SLIT2: variants seen among roughly 807,000 people sequenced by gnomAD.
The protein encoded by SLIT2 is slit guidance ligand 2.
Under a neutral mutation model 185.7 loss-of-function variants are expected in SLIT2, and 41 were observed. That is an observed-to-expected ratio of 0.22 (90% CI 0.17 to 0.29). The LOEUF (loss-of-function observed/expected upper bound fraction) is 0.29, where lower values mean the gene tolerates loss of function less well. Ranked by LOEUF, SLIT2 falls within the 10% of genes least tolerant of loss-of-function variation. SLIT2 has a pLI of 1.00. For synonymous variants in SLIT2, 693 were observed against 680.2 expected (o/e 1.02, Z -0.29); for missense variants, 1,571 against 1,909.0 (o/e 0.82, Z 3.30).
At chr4:20,554,354 G>A (rs1724049161) in intron 26 of SLIT2, 1 of 460,160 alleles carries the variant, frequency 2.2e-6, no homozygotes, top group Non-Finnish European at 4.4e-6. Flanking sequence ...AGGAGAAACA[G>A]GCCCTCCCCA....
chr4:20,591,098 C>T (rs1471625514), intron 30 of SLIT2, among the ~76,000 whole-genome samples: 1 of 152,114 alleles, frequency 6.6e-6, no homozygotes, highest in Non-Finnish European at 1.5e-5. Flanking sequence ...CCTGCCATGG[C>T]CACAGCACAT....
chr4:20,607,718 G>T (rs1728897531), intron 33 of SLIT2, among the ~76,000 whole-genome samples: 1 of 152,060 alleles, frequency 6.6e-6, no homozygotes, highest in South Asian at 2.1e-4. Context: ...AATTGACTAA[G>T]ACCAATATGT....
In SLIT2 at chr4:20,524,066, G is replaced by A. The variant is rs777369068; in HGVS notation, c.1327G>A (p.Asp443Asn). Residue 443 changes from aspartate (D) to asparagine (N), a missense_variant, in exon 14 of 37, where the codon GAT becomes AAT. This residue lies in a region of SLIT2 where 1,202 missense variants were observed against 1,416.4 expected (regional missense o/e 0.85). Transcript: ENST00000504154. The stretch of plus-strand genomic sequence containing the variant: ...TGACTGCCATCTCAAGTGGCTAGCG[G>A]ATTATCTCCATACCAACCCGATTGA... ...ICDCHLKWLA[D>N]YLHTNPIETS... 3.1e-6 allele frequency: 5 copies of A among 1,614,074 alleles called. 1 individual carries two copies. In the South Asian group the frequency reaches 3.3e-5, roughly 11 times the overall value.
At chr4:20,359,839 T>C (rs1722600364) in intron 4 of SLIT2, among the ~76,000 whole-genome samples, 1 of 152,000 alleles carries the variant, frequency 6.6e-6, no homozygotes, top group Non-Finnish European at 1.5e-5. Flanking sequence ...ACCTACAAAG[T>C]CTTGAAGCAG....
chr4:20,377,634 C>T (rs1279844052), intron 4 of SLIT2, among the ~76,000 whole-genome samples: 2 of 152,130 alleles, frequency 1.3e-5, no homozygotes, highest in African/African-American at 4.8e-5. Flanking sequence ...CACAGAGAAA[C>T]TTTGTAACAA....
At position 20,528,788 on chromosome 4, in the gene SLIT2, G is replaced by A. The variant is rs1404034287; in HGVS notation, c.1463-161G>A. On this transcript the variant is annotated intron_variant, in intron 15 of 36. Coordinates refer to ENST00000504154, the MANE Select transcript of SLIT2 (RefSeq NM_004787.4). This position sits in a 1 kb window ranked among gnomAD's most constrained non-coding sequence, Gnocchi z 4.2. ...CACTCTTTTTTCCAGAAAATTCCAA[G>A]CCTTTCTTTTAACCTTTCTCCTGAC... Among the ~76,000 whole-genome samples, 1 of 152,074 alleles carries A rather than the reference G, an allele frequency of 6.6e-6. No homozygotes were observed. The highest frequency in any genetic ancestry group is 2.4e-5 in the African/African-American group (1 of 41,392).
chr4:20,580,884 A>C (rs1726505706), intron 29 of SLIT2, among the ~76,000 whole-genome samples: 1 of 152,188 alleles, frequency 6.6e-6, no homozygotes, highest in South Asian at 2.1e-4. Flanking sequence ...TATAGTCCTA[A>C]AAGAAAACTT....
rs759686777 is a variant in SLIT2 at position 20,254,028 on chromosome 4, AT to A, written c.179+35del. On this transcript the variant is annotated intron_variant, in intron 1 of 36. Coordinates refer to ENST00000504154, the MANE Select transcript of SLIT2 (RefSeq NM_004787.4). The surrounding 1 kb of genome is among the most constrained non-coding windows in gnomAD (Gnocchi z 5.1). The stretch of plus-strand genomic sequence containing the variant: ...GCGCTCTTCGTCTTCCCCTCTCCCC[AT>A]CCGGGCCGCGCACCCCTGCCTCCAC... 1 of 1,577,630 alleles carries A rather than the reference AT, an allele frequency of 6.3e-7. No homozygotes were observed. Among genetic ancestry groups the A allele is most frequent in the East Asian group, 2.3e-5 (1 of 44,368 alleles).
chr4:20,346,046 T>C (rs189868553), intron 4 of SLIT2, among the ~76,000 whole-genome samples: 21 of 152,184 alleles, frequency 1.4e-4, no homozygotes, highest in African/African-American at 4.6e-4. Flanking sequence ...CAGGCTAGAG[T>C]GCAGCGGTAT....
intron 4 of SLIT2, among the ~76,000 whole-genome samples, chr4:20,340,952 G>T (rs1033559134): frequency 1.3e-5 from 2 of 152,142 alleles, no homozygotes; most frequent in Admixed American, 6.5e-5. Context: ...GAAGAAAAAA[G>T]AAAGACGGAA....
chr4:20,594,633 C>T lies in SLIT2; in HGVS notation c.3183-1064C>T, dbSNP rs116994464. On this transcript the variant is annotated intron_variant, in intron 30 of 36. Coordinates refer to ENST00000504154, the MANE Select transcript of SLIT2 (RefSeq NM_004787.4). ...AAAACTGCTGCACGTGCCACACTGC[C>T]TTTCTTCATGCAGCTATAAAATCCT... 5.3e-5 allele frequency among the ~76,000 whole-genome samples: 8 copies of T among 152,132 alleles called. No individual in the cohort carries two copies. In the East Asian group the frequency reaches 9.7e-4, roughly 18 times the overall value.
At chr4:20,543,765 G>T (rs757703856) in intron 21 of SLIT2, among the ~76,000 whole-genome samples, 6 of 152,124 alleles carry the variant, frequency 3.9e-5, no homozygotes, top group Non-Finnish European at 7.4e-5. Context: ...TAGCACATGT[G>T]CTTAGAACAC....
intron 34 of SLIT2, 29 bp from the exon 35 acceptor site, chr4:20,616,881 C>T (rs1285245140): frequency 6.4e-7 from 1 of 1,557,342 alleles, no homozygotes; most frequent in Non-Finnish European, 8.7e-7. Context: ...CCCAGAGAGC[C>T]TGACCTCTGA....
At chr4:20,280,115 C>T (rs1249411590) in intron 4 of SLIT2, among the ~76,000 whole-genome samples, 5 of 151,940 alleles carry the variant, frequency 3.3e-5, no homozygotes, top group African/African-American at 9.7e-5. Flanking sequence ...GGGCGGATCA[C>T]GAGGTCAGGA....
Position 20,330,112 on chromosome 4 carries a change from C to A in SLIT2, c.395+61231C>A, listed in dbSNP as rs568335438. ...TTACATACTTTCTCATTTTACACTT[C>A]CCTTACCACAAATTTGGCAGTGTTG... On this transcript the variant is annotated intron_variant, in intron 4 of 36. Transcript: ENST00000504154. 7.4e-4 allele frequency among the ~76,000 whole-genome samples: 112 copies of A among 152,124 alleles called. 1 individual carries two copies. Among genetic ancestry groups the A allele is most frequent in the Middle Eastern group, 6.8e-3 (2 of 294 alleles).
chr4:20,607,118 GC>G (rs1419306365), intron 33 of SLIT2, among the ~76,000 whole-genome samples: 3 of 152,056 alleles, frequency 2.0e-5, no homozygotes, highest in African/African-American at 7.2e-5. Flanking sequence ...TTAGTACCTG[GC>G]CCTTAGTATG....
chr4:20,552,163 G>T (rs1235169275), intron 25 of SLIT2, among the ~76,000 whole-genome samples: 1 of 152,184 alleles, frequency 6.6e-6, no homozygotes, highest in Non-Finnish European at 1.5e-5. Flanking sequence ...ATGCAGGGCT[G>T]TGGTGCCCTC....
At chr4:20,459,944 A>G (rs1485554189) in intron 4 of SLIT2, among the ~76,000 whole-genome samples, 1 of 150,890 alleles carries the variant, frequency 6.6e-6, no homozygotes, top group Non-Finnish European at 1.5e-5. Flanking sequence ...GCTCACTGCA[A>G]CCTCTGCCTC....
chr4:20,306,631 C>CT (rs1222918541), intron 4 of SLIT2, among the ~76,000 whole-genome samples: 2 of 151,992 alleles, frequency 1.3e-5, no homozygotes, highest in African/African-American at 4.8e-5. Flanking sequence ...TTTTCGTGTG[C>CT]TTTTTTTGTT....
Sources: allele counts gnomAD v4.1 joint callset (sites outside exome capture counted in the v4.1 genomes callset), GRCh38; gene constraint gnomAD v4.1.1; regional missense constraint gnomAD v4.1.1; non-coding constraint Gnocchi (gnomAD v3.1); transcripts MANE v1.5; gene names NCBI Gene and HGNC (gene_info 2026-07-23, HGNC 2026-07-21).